The following LARGE1 variants were observed in gnomAD, a reference collection of about 807,000 sequenced individuals.
The protein encoded by LARGE1 is xylosyl- and glucuronyltransferase LARGE1.
In LARGE1, 43 loss-of-function variants were observed where a neutral mutation model predicts 87.6. The ratio of observed to expected loss-of-function variants is 0.49; its 90% CI spans 0.38 to 0.63. The LOEUF is 0.63. Ranked by LOEUF, LARGE1 falls within the 30% of genes least tolerant of loss-of-function variation. The pLI is 0.00. For synonymous variants in LARGE1, 434 were observed against 394.6 expected (o/e 1.10, Z -1.18); for missense variants, 802 against 1,000.2 (o/e 0.80, Z 2.67).
chr22:33,636,183 G>A (rs529729671), intron 3 of LARGE1, among the ~76,000 whole-genome samples: 5 of 152,272 alleles, frequency 3.3e-5, no homozygotes, highest in East Asian at 3.9e-4. Flanking sequence ...GGATGAGACC[G>A]ATTTTGGGGT....
the LARGE1 span, among the ~76,000 whole-genome samples, chr22:33,152,988 A>G: frequency 2.6e-5 from 4 of 152,044 alleles, no homozygotes; most frequent in African/African-American, 9.7e-5. Context: ...TTCCAGTGCT[A>G]GATTATCAGC....
chr22:33,572,754 C>T (rs1007621219), intron 5 of LARGE1, among the ~76,000 whole-genome samples: 1 of 152,070 alleles, frequency 6.6e-6, no homozygotes, highest in African/African-American at 2.4e-5. Context: ...CCTGTAATCC[C>T]AGCTACTTGG....
chr22:33,316,104 C>T lies in LARGE1; in HGVS notation c.1432G>A (p.Ala478Thr), dbSNP rs778360056. The T allele has an allele frequency of 1.1e-5, 17 of 1,613,690 alleles. No individual in the cohort carries two copies. The highest frequency in any genetic ancestry group is 1.6e-4 in the Middle Eastern group (1 of 6,072). ...AADSTDVTLV[A>T]QLSMDRLQML... is the part of the protein sequence containing the mutation. ...CCATACCTGTCCATGGACAGCTGAGCGACCAGGGTGACGTCCGTGCTGTCT... is the reference window on the plus strand; with the variant it reads ...CCATACCTGTCCATGGACAGCTGAGTGACCAGGGTGACGTCCGTGCTGTCT... Residue 478 changes from alanine (A) to threonine (T), a missense_variant, in exon 11 of 15, where the codon GCT becomes ACT. Transcript: ENST00000397394.
chr22:33,675,065 G>T (rs2081527503), intron 2 of LARGE1, among the ~76,000 whole-genome samples: 1 of 151,918 alleles, frequency 6.6e-6, no homozygotes, highest in African/African-American at 2.4e-5. Flanking sequence ...GCCCGAGGCA[G>T]GTGGATCACC....
rs531630947 is a variant in LARGE1, at chr22:33,627,388, T to C, written c.409-1062A>G. Among the ~76,000 whole-genome samples, 6 of 152,342 alleles carry C rather than the reference T, an allele frequency of 3.9e-5. No homozygotes were observed. The South Asian group carries it at 8.3e-4, about 21-fold the overall frequency. ...CCTTTCTACTGAAGCACAGCCTTCC[T>C]TGAATGGAAACCTGCCTCTTAACAC... is the stretch of plus-strand genomic sequence containing the variant. On this transcript the variant is annotated intron_variant, in intron 3 of 14. Coordinates refer to ENST00000397394, the MANE Select transcript of LARGE1 (RefSeq NM_133642.5).
chr22:33,837,401 T>A (rs1266549423), intron 1 of LARGE1, among the ~76,000 whole-genome samples: 1 of 152,128 alleles, frequency 6.6e-6, no homozygotes, highest in African/African-American at 2.4e-5. Context: ...TCCTGTCCTG[T>A]CTCCCCCTGC....
chr22:33,330,992 C>T (rs1203060473), intron 10 of LARGE1, among the ~76,000 whole-genome samples: 1 of 152,208 alleles, frequency 6.6e-6, no homozygotes, highest in African/African-American at 2.4e-5. Flanking sequence ...TTCTCAGAGA[C>T]TCTACAGGTT....
intron 1 of LARGE1, among the ~76,000 whole-genome samples, chr22:33,886,646 G>A (rs2064853097): frequency 9.5e-6 from 1 of 105,612 alleles, no homozygotes; most frequent in Non-Finnish European, 1.8e-5. Flanking sequence ...ACAACAGAGT[G>A]AGATTCTGCC....
chr22:33,181,411 G>C (rs1308454540), intron 11 of LARGE1, among the ~76,000 whole-genome samples: 2 of 151,866 alleles, frequency 1.3e-5, no homozygotes, highest in Non-Finnish European at 2.9e-5. Context: ...ATCTTTTATT[G>C]AGGCTAACTA....
At chr22:33,252,657 C>T (rs1301312631) in intron 11 of LARGE1, among the ~76,000 whole-genome samples, 1 of 152,116 alleles carries the variant, frequency 6.6e-6, no homozygotes, top group East Asian at 1.9e-4. Flanking sequence ...AACATTTGCC[C>T]AAAGACGTGT....
intron 12 of LARGE1, among the ~76,000 whole-genome samples, chr22:33,294,986 T>C (rs1425333485): frequency 6.6e-6 from 1 of 152,212 alleles, no homozygotes; most frequent in Non-Finnish European, 1.5e-5. Context: ...ACTTGTATAA[T>C]GGGAATAAAA....
At chr22:33,091,736 C>T in the LARGE1 span, among the ~76,000 whole-genome samples, 13 of 152,128 alleles carry the variant, frequency 8.5e-5, no homozygotes, top group African/African-American at 1.4e-4. Flanking sequence ...TTAGTCTCTC[C>T]GAACCTTTAC....
intron 11 of LARGE1, among the ~76,000 whole-genome samples, chr22:33,226,082 G>A (rs1471860808): frequency 1.3e-5 from 2 of 152,214 alleles, no homozygotes; most frequent in Non-Finnish European, 2.9e-5. Context: ...CCAGTGATGG[G>A]ACTGGTACAT....
chr22:33,097,437 T>TA, the LARGE1 span, among the ~76,000 whole-genome samples: 2 of 152,174 alleles, frequency 1.3e-5, no homozygotes, highest in Non-Finnish European at 2.9e-5. Context: ...CCAATTGCTA[T>TA]AAACAGCCGT....
chr22:33,737,475 C>A (rs1487538204), intron 2 of LARGE1: 1 of 152,188 alleles, frequency 6.6e-6, no homozygotes, highest in Non-Finnish European at 1.5e-5. Flanking sequence ...TTAATTACTA[C>A]ACACCTGGCT....
chr22:33,906,579 C>T (rs924623938), intron 1 of LARGE1, among the ~76,000 whole-genome samples: 1 of 152,182 alleles, frequency 6.6e-6, no homozygotes, highest in East Asian at 1.9e-4. Context: ...CCTTTTCTTA[C>T]AAACTGCTAA....
chr22:33,379,944 G>C (rs2065106654), intron 9 of LARGE1, among the ~76,000 whole-genome samples: 4 of 152,132 alleles, frequency 2.6e-5, no homozygotes, highest in Admixed American at 2.6e-4. Context: ...CAGGGACAAA[G>C]ACTAAATAGA....
At chr22:33,411,019 A>G (rs982315213) in intron 7 of LARGE1, among the ~76,000 whole-genome samples, 1 of 152,172 alleles carries the variant, frequency 6.6e-6, no homozygotes, top group African/African-American at 2.4e-5. Flanking sequence ...TTAAGTCAGG[A>G]AGATTTAGGA....
At chr22:33,372,980 G>C (rs759671622) in intron 9 of LARGE1, among the ~76,000 whole-genome samples, 1 of 152,156 alleles carries the variant, frequency 6.6e-6, no homozygotes, top group South Asian at 2.1e-4. Flanking sequence ...TTTCCTATGA[G>C]AAACAATCTT....
Sources: allele counts gnomAD v4.1 joint callset (sites outside exome capture counted in the v4.1 genomes callset), GRCh38; gene constraint gnomAD v4.1.1; transcripts MANE v1.5; gene names NCBI Gene and HGNC (gene_info 2026-07-23, HGNC 2026-07-21).